FBXO30: variants seen among roughly 807,000 people sequenced by gnomAD.
The protein encoded by FBXO30 is F-box protein 30, also known as F-box only protein 30.
A neutral mutation model predicts 58.1 loss-of-function variants in FBXO30; 21 were observed. The observed-to-expected ratio is 0.36, with a 90% CI of 0.26 to 0.52. The LOEUF (loss-of-function observed/expected upper bound fraction) is 0.52, where lower values mean the gene tolerates loss of function less well. FBXO30 is among the 20% of genes least tolerant of loss of function. The probability of loss-of-function intolerance (pLI) is 0.93; values close to 1 mark genes in which losing one functional copy is unlikely to be tolerated. For missense variants in FBXO30, 744 were observed against 897.3 expected (o/e 0.83, Z 2.18); for synonymous variants, 309 against 312.4 (o/e 0.99, Z 0.11).
At chr6:145,804,326 A>G in intron 2 of FBXO30, 46 bp downstream of exon 2, 1 of 1,478,886 alleles carries the variant, frequency 6.8e-7, no homozygotes. Context: ...CAGTATTATT[A>G]AAGTCCTCTT....
chr6:145,797,826 T>C lies in FBXO30; in HGVS notation c.*2280A>G, dbSNP rs1266978563. On this transcript the variant is annotated 3_prime_UTR_variant, in exon 3 of 3. Coordinates refer to ENST00000237281, the MANE Select transcript of FBXO30 (RefSeq NM_032145.5). ...TATTTAGCAAAGACTAAGGAATCAA[T>C]GATGACTTCTCAAAGTACAATCTAT... is the stretch of plus-strand genomic sequence containing the variant. 1.3e-5 allele frequency: 2 copies of C among 152,058 alleles called. No homozygotes were observed. The highest frequency in any genetic ancestry group is 2.9e-5 in the Non-Finnish European group (2 of 67,954). The allele number at this position is 152,058 out of a possible 1,614,324, so 9.4% of individuals were successfully genotyped here.
At chr6:145,803,338 GA>G (rs997737940) in intron 2 of FBXO30, among the ~76,000 whole-genome samples, 2 of 150,754 alleles carry the variant, frequency 1.3e-5, no homozygotes, top group African/African-American at 4.9e-5. Context: ...TTCCCTTTTG[GA>G]AAAAAAAATC....
chr6:145,805,884 AACAGAC>A lies in FBXO30; in HGVS notation c.516_521del (p.Ser173_Val174del), dbSNP rs758593960. The A allele has an allele frequency of 3.1e-6, 5 of 1,614,064 alleles. No individual in the cohort carries two copies. Among genetic ancestry groups the A allele is most frequent in the Non-Finnish European group, 4.2e-6 (5 of 1,179,986 alleles). On this transcript the variant is annotated inframe_deletion, in exon 2 of 3. Coordinates refer to ENST00000237281, the MANE Select transcript of FBXO30 (RefSeq NM_032145.5). ...AAAGTGCACCATAAGATTCTTCATC[AACAGAC>A]ACTAAACCATTAGCATGTGGTATTT...
In FBXO30 at chr6:145,805,215, C is replaced by A. The variant is rs1778126863; in HGVS notation, c.1191G>T (p.Trp397Cys). ...PSFNFLSNSC[W>C]SKPKEDKAVD... ...CTGCTTTATCTTCCTTTGGTTTAGA[C>A]CAACATGAATTAGAAAGAAAATTGA... is the stretch of plus-strand genomic sequence containing the variant. Residue 397 changes from tryptophan (W) to cysteine (C), a missense_variant, in exon 2 of 3, where the codon TGG becomes TGT. This residue lies in a region of FBXO30 where 334 missense variants were observed against 433.7 expected (regional missense o/e 0.77). Transcript: ENST00000237281. The A allele has an allele frequency of 6.2e-7, 1 of 1,613,856 alleles. No homozygotes were observed. Among genetic ancestry groups the A allele is most frequent in the African/African-American group, 1.3e-5 (1 of 74,894 alleles).
rs1414004948 is a variant in FBXO30, at chr6:145,804,825, A to C, written c.1581T>G (p.Phe527Leu). 6.2e-7 allele frequency: 1 copy of C among 1,613,944 alleles called. No homozygotes were observed. The highest frequency in any genetic ancestry group is 2.2e-5 in the East Asian group (1 of 44,876). ...AGTGGGAAGAAAATTCTTTCCTTCTAAATAACTGTCCACACACAAAGGTAA... is the reference window on the plus strand; with the variant it reads ...AGTGGGAAGAAAATTCTTTCCTTCTCAATAACTGTCCACACACAAAGGTAA... The part of the protein sequence containing the change: ...SMFTFVCGQL[F>L]RRKEFSSHFK... The change falls in exon 2 of 3, where the codon TTT (phenylalanine) becomes TTG (leucine). Residue 527 changes from phenylalanine to leucine, a missense_variant. Phe to Leu is a conservative substitution (Grantham distance 22). Coordinates refer to ENST00000237281, the MANE Select transcript of FBXO30 (RefSeq NM_032145.5).
Position 145,796,984 on chromosome 6 carries a change from T to C in FBXO30, c.*3122A>G, listed in dbSNP as rs1777878184. On this transcript the variant is annotated 3_prime_UTR_variant, in exon 3 of 3. Coordinates refer to ENST00000237281, the MANE Select transcript of FBXO30 (RefSeq NM_032145.5). The stretch of plus-strand genomic sequence containing the variant: ...ACTTGTAAACAAGAGATCCAATCTT[T>C]CATAACATCTTATTGATAGGGTTGA... 6.6e-6 allele frequency: 1 copy of C among 151,960 alleles called. No homozygotes were observed. Among genetic ancestry groups the C allele is most frequent in the Admixed American group, 6.6e-5 (1 of 15,234 alleles). 9.4% of individuals were successfully genotyped at this position (151,960 alleles called of 1,614,324 possible).
chr6:145,812,502 G>C (rs1009270521), intron 1 of FBXO30, among the ~76,000 whole-genome samples: 1 of 152,140 alleles, frequency 6.6e-6, no homozygotes. Flanking sequence ...TCTCAGCTTA[G>C]TGACCTTGAG....
At chr6:145,812,353 G>A (rs1257478683) in intron 1 of FBXO30, among the ~76,000 whole-genome samples, 1 of 152,092 alleles carries the variant, frequency 6.6e-6, no homozygotes, top group African/African-American at 2.4e-5. Flanking sequence ...ATGGGAAATT[G>A]AAATAGTATT....
chr6:145,801,213 C>T (rs139743131), intron 2 of FBXO30, among the ~76,000 whole-genome samples: 43 of 152,210 alleles, frequency 2.8e-4, no homozygotes, highest in African/African-American at 1.0e-3. Flanking sequence ...CTAGCCATGC[C>T]TGCTAAGTTT....
At chr6:145,813,786 T>C (rs978179834) in intron 1 of FBXO30, among the ~76,000 whole-genome samples, 2 of 152,158 alleles carry the variant, frequency 1.3e-5, no homozygotes, top group Non-Finnish European at 2.9e-5. Context: ...AAAAGGTCAA[T>C]TCGTTCCCAA....
rs1378532096 is a variant in FBXO30 at position 145,796,211 on chromosome 6, T to G, written c.*3895A>C. On this transcript the variant is annotated 3_prime_UTR_variant, in exon 3 of 3. Transcript: ENST00000237281. ...CTTGATCTCACTTTAATCTTTTAAATAAAGGGAAATAATTATGTAAAAGAT... is the reference window on the plus strand; with the variant it reads ...CTTGATCTCACTTTAATCTTTTAAAGAAAGGGAAATAATTATGTAAAAGAT... 6.6e-6 allele frequency: 1 copy of G among 151,984 alleles called. No homozygotes were observed. The highest frequency in any genetic ancestry group is 1.5e-5 in the Non-Finnish European group (1 of 67,870). 9.4% of individuals were successfully genotyped at this position (151,984 alleles called of 1,614,324 possible).
Position 145,800,100 on chromosome 6 carries a change from CA to C in FBXO30, c.*5del. On this transcript the variant is annotated 3_prime_UTR_variant, in exon 3 of 3. Coordinates refer to ENST00000237281, the MANE Select transcript of FBXO30 (RefSeq NM_032145.5). ...TTGCATATATGTGCTAGTAATATTA[CA>C]ACTTTTAAAGTACAGGTTTTAAAAC... 1 of 1,608,150 alleles carries C rather than the reference CA, an allele frequency of 6.2e-7. No individual in the cohort carries two copies. Among genetic ancestry groups the C allele is most frequent in the South Asian group, 1.1e-5 (1 of 90,848 alleles).
In FBXO30 at chr6:145,805,572, A is replaced by C; in HGVS notation, c.834T>G (p.Tyr278Ter). Residue 278 changes from tyrosine to a stop codon, truncating the protein, a stop_gained, in exon 2 of 3, where the codon TAT (tyrosine) becomes TAG (stop). Coordinates refer to ENST00000237281, the MANE Select transcript of FBXO30 (RefSeq NM_032145.5). LOFTEE classifies it high-confidence loss of function. The stretch of plus-strand genomic sequence containing the variant: ...AGCCATTACAAAGAGCAGAAGTGTC[A>C]TAAGAACTTGTATTCAAGTCACATA... ...DLLCDLNTSS[Y>*]DTSALCNGFP... is the part of the protein sequence containing the mutation. 1 of 1,613,144 alleles carries C rather than the reference A, an allele frequency of 6.2e-7. No individual in the cohort carries two copies. The highest frequency in any genetic ancestry group is 1.1e-5 in the South Asian group (1 of 90,840).
rs752791002 is a variant in FBXO30, at chr6:145,806,456, C to T, written c.-16-35G>A. ...GAAATGGAAAAAGATAAGAAATTAGCCAAAAAATGGTTGATTTTTCAAAAT... is the reference window on the plus strand; with the variant it reads ...GAAATGGAAAAAGATAAGAAATTAGTCAAAAAATGGTTGATTTTTCAAAAT... On this transcript the variant is annotated intron_variant, in intron 1 of 2. Transcript: ENST00000237281. 4 of 1,519,516 alleles carry T rather than the reference C, an allele frequency of 2.6e-6. No homozygotes were observed. In the African/African-American group the frequency reaches 5.6e-5, roughly 21 times the overall value. The allele number at this position is 1,519,516 out of a possible 1,614,324, so 94.1% of individuals were successfully genotyped here. A position where few individuals can be genotyped will look rare whatever the true frequency, so the allele number is the denominator to read the frequency against.
intron 1 of FBXO30, among the ~76,000 whole-genome samples, chr6:145,812,124 G>A (rs140720918): frequency 7.9e-5 from 12 of 152,246 alleles, no homozygotes; most frequent in African/African-American, 2.4e-4. Context: ...GGATTACAAT[G>A]TGTACATTCT....
rs772880851 is a variant in FBXO30 at position 145,800,239 on chromosome 6, TC to T, written c.2104del (p.Asp702ThrfsTer3). 6.2e-7 allele frequency: 1 copy of T among 1,613,044 alleles called. No individual in the cohort carries two copies. Among genetic ancestry groups the T allele is most frequent in the Admixed American group, 1.7e-5 (1 of 59,914 alleles). On this transcript the variant is annotated frameshift_variant, in exon 3 of 3. Transcript: ENST00000237281. LOFTEE classifies it high-confidence loss of function. The stretch of plus-strand genomic sequence containing the variant: ...ATTGTAACTGCATTTCTTCAAGTGG[TC>T]TGCCATGCTTAGGATGTCAGCAAAT... ...WKFADILSMA[D>X]HLKKCSYNVV...
Position 145,804,650 on chromosome 6 carries a change from A to C in FBXO30, c.1756T>G (p.Ser586Ala). The change falls in exon 2 of 3, where the codon TCA becomes GCA. Residue 586 changes from serine to alanine, a missense_variant. Around this residue, in one of 3 missense-constraint regions of FBXO30, gnomAD observed 334 missense variants for 433.7 expected, o/e 0.77. Coordinates refer to ENST00000237281, the MANE Select transcript of FBXO30 (RefSeq NM_032145.5). ...AKIIHDRHLR[S>A]FGVQPCVSTV... is the part of the protein sequence containing the mutation. The stretch of plus-strand genomic sequence containing the variant: ...GATACACATGGCTGAACTCCAAATG[A>C]CCTCAAATGGCGGTCATGTATAATC... 1 of 1,613,858 alleles carries C rather than the reference A, an allele frequency of 6.2e-7. No homozygotes were observed. The highest frequency in any genetic ancestry group is 8.5e-7 in the Non-Finnish European group (1 of 1,179,886).
intron 2 of FBXO30, among the ~76,000 whole-genome samples, chr6:145,802,326 C>A (rs952526115): frequency 6.6e-6 from 1 of 152,050 alleles, no homozygotes; most frequent in Admixed American, 6.6e-5. Flanking sequence ...AATTAGTTGG[C>A]CAGCTTAATT....
chr6:145,805,805 T>C lies in FBXO30; in HGVS notation c.601A>G (p.Asn201Asp). The C allele has an allele frequency of 6.2e-7, 1 of 1,614,094 alleles. No individual in the cohort carries two copies. The highest frequency in any genetic ancestry group is 8.5e-7 in the Non-Finnish European group (1 of 1,179,982). Residue 201 changes from asparagine (N) to aspartate (D), a missense_variant, in exon 2 of 3, where the codon AAT becomes GAT. Transcript: ENST00000237281. ...ATGCCAATGTCTCTTGTAGCAGTAT[T>C]CAGGATATCCAAAGCAGCAGCCAAA... Reference protein sequence around the residue: ...RSLAAALDILNTATRDIGMLN... With the variant: ...RSLAAALDILDTATRDIGMLN...
Sources: allele counts gnomAD v4.1 joint callset (sites outside exome capture counted in the v4.1 genomes callset), GRCh38; gene constraint gnomAD v4.1.1; regional missense constraint gnomAD v4.1.1; transcripts MANE v1.5; gene names NCBI Gene and HGNC (gene_info 2026-07-23, HGNC 2026-07-21).